Variants in KLHL3 observed in about 807,000 individuals in gnomAD.
The protein encoded by KLHL3 is kelch-like protein 3.
KLHL3 carries 19 observed loss-of-function variants against 70.5 expected under a neutral mutation model. That is an observed-to-expected ratio of 0.27 (90% CI 0.19 to 0.40). KLHL3 has a LOEUF of 0.40. KLHL3 is among the 10% of genes least tolerant of loss of function. The probability of loss-of-function intolerance (pLI) is 1.00; values close to 1 mark genes in which losing one functional copy is unlikely to be tolerated. For missense variants in KLHL3, 512 were observed against 771.1 expected (o/e 0.66, Z 3.98); for synonymous variants, 258 against 290.3 (o/e 0.89, Z 1.13).
chr5:137,624,323 A>G (rs1260031503), intron 14 of KLHL3, among the ~76,000 whole-genome samples: 3 of 152,212 alleles, frequency 2.0e-5, no homozygotes, highest in South Asian at 4.1e-4. Context: ...CAGCATATAT[A>G]TGAAATTCTA....
chr5:137,716,167 C>T (rs529797162), intron 2 of KLHL3, among the ~76,000 whole-genome samples: 1 of 151,100 alleles, frequency 6.6e-6, no homozygotes, highest in East Asian at 1.9e-4. Context: ...CAGTTAATGA[C>T]ATAGAAAAAT....
chr5:137,635,050 A>T (rs1312174224), intron 11 of KLHL3, among the ~76,000 whole-genome samples: 1 of 152,190 alleles, frequency 6.6e-6, no homozygotes, highest in African/African-American at 2.4e-5. Context: ...AAATCTATTT[A>T]ACAGGATTAC....
Position 137,628,408 on chromosome 5 carries a change from C to A in KLHL3, c.1480G>T (p.Ala494Ser). The change falls in exon 13 of 15, where the codon GCC (alanine) becomes TCC (serine). Residue 494 changes from alanine (A) to serine (S), a missense_variant. Transcript: ENST00000309755. ...GVGVLSGQLY[A>S]TGGHDGPLVR... is the part of the protein sequence containing the mutation. ...AAAGGCCCATCATGCCCACCTGTGGCGTACAGCTGTCCGCTAAGCACTCCA... is the reference window on the plus strand; with the variant it reads ...AAAGGCCCATCATGCCCACCTGTGGAGTACAGCTGTCCGCTAAGCACTCCA... 1 of 1,614,204 alleles carries A rather than the reference C, an allele frequency of 6.2e-7. No homozygotes were observed. Among genetic ancestry groups the A allele is most frequent in the Non-Finnish European group, 8.5e-7 (1 of 1,180,040 alleles).
chr5:137,692,271 C>T lies in KLHL3; in HGVS notation c.526+14G>A, dbSNP rs762458304. ...CAAACTCGGAGGAGGTGCAGCAGTC[C>T]GGCTCCCCCTTACCTGCGTAGGCAT... On this transcript the variant is annotated intron_variant, in intron 5 of 14. Transcript: ENST00000309755. 3.1e-5 allele frequency: 49 copies of T among 1,606,006 alleles called. No individual in the cohort carries two copies. In the South Asian group the frequency reaches 3.9e-4, roughly 13 times the overall value.
At chr5:137,718,510 A>G (rs972287469) in intron 2 of KLHL3, among the ~76,000 whole-genome samples, 2 of 152,184 alleles carry the variant, frequency 1.3e-5, no homozygotes, top group African/African-American at 4.8e-5. Context: ...TAAAAAAATA[A>G]ACAAACAAAG....
chr5:137,655,447 G>C (rs952009451), intron 8 of KLHL3, among the ~76,000 whole-genome samples: 8 of 151,982 alleles, frequency 5.3e-5, no homozygotes, highest in African/African-American at 1.9e-4. Flanking sequence ...AATTATAAAG[G>C]TACTTGAAGA....
chr5:137,703,097 T>C (rs1269616355), intron 3 of KLHL3, among the ~76,000 whole-genome samples: 2 of 152,184 alleles, frequency 1.3e-5, no homozygotes, highest in East Asian at 1.9e-4. Context: ...ATGGAATAGA[T>C]TGGTTGGCAG....
At chr5:137,663,988 T>A (rs1385566887) in intron 6 of KLHL3, among the ~76,000 whole-genome samples, 1 of 152,180 alleles carries the variant, frequency 6.6e-6, no homozygotes, top group Non-Finnish European at 1.5e-5. Context: ...TATACATGTG[T>A]CAAAACTAAC....
chr5:137,695,248 C>CATGG (rs1277825641), intron 4 of KLHL3, among the ~76,000 whole-genome samples: 1 of 152,226 alleles, frequency 6.6e-6, no homozygotes, highest in African/African-American at 2.4e-5. Flanking sequence ...AACTTCCCTA[C>CATGG]TGTTCACAAT....
chr5:137,720,500 C>T lies in KLHL3; in HGVS notation c.99G>A (p.Met33Ile). The change falls in exon 2 of 15, where the codon ATG becomes ATA. Residue 33 changes from methionine to isoleucine, a missense_variant. Transcript: ENST00000309755. ...CATTCATAACCTTGAATGCTTTCCC[C>T]ATGTGGGCAGGGTTGACAGTGATCG... ...QRTITVNPAH[M>I]GKAFKVMNEL... The T allele has an allele frequency of 3.1e-6, 5 of 1,614,122 alleles. No homozygotes were observed. Among genetic ancestry groups the T allele is most frequent in the Non-Finnish European group, 4.2e-6 (5 of 1,180,002 alleles).
chr5:137,699,902 A>G (rs1281010436), intron 3 of KLHL3, among the ~76,000 whole-genome samples: 2 of 152,236 alleles, frequency 1.3e-5, no homozygotes, highest in Non-Finnish European at 2.9e-5. Context: ...AGCTGCACGG[A>G]CTGCACATGA....
chr5:137,628,088 C>T, intron 13 of KLHL3: 1 of 586,134 alleles, frequency 1.7e-6, no homozygotes, highest in Admixed American at 3.0e-5. Context: ...GGATCCTCTG[C>T]ATCTAGGTTG....
At chr5:137,647,518 G>C in intron 8 of KLHL3, 1 of 471,804 alleles carries the variant, frequency 2.1e-6, no homozygotes, top group South Asian at 1.5e-5. Flanking sequence ...TCGGGCAAGA[G>C]TAGAATGCAT....
At chr5:137,697,692 T>C (rs1452086386) in intron 4 of KLHL3, among the ~76,000 whole-genome samples, 1 of 152,240 alleles carries the variant, frequency 6.6e-6, no homozygotes, top group Non-Finnish European at 1.5e-5. Flanking sequence ...CCTTGCTTTA[T>C]GTACCTCTTA....
chr5:137,710,266 C>G (rs929094892), intron 2 of KLHL3, among the ~76,000 whole-genome samples: 1 of 152,132 alleles, frequency 6.6e-6, no homozygotes, highest in Non-Finnish European at 1.5e-5. Flanking sequence ...AAGTGTGTCA[C>G]CAGCAAGACC....
At position 137,637,370 on chromosome 5, in the gene KLHL3, G is replaced by T; in HGVS notation, c.1245C>A (p.Ser415Arg). The T allele has an allele frequency of 6.2e-7, 1 of 1,613,980 alleles. No individual in the cohort carries two copies. The highest frequency in any genetic ancestry group is 8.5e-7 in the Non-Finnish European group (1 of 1,179,858). The change falls in exon 11 of 15, where the codon AGC becomes AGA. Residue 415 changes from serine to arginine, a missense_variant. Physicochemically the swap from Ser to Arg is moderately radical, Grantham distance 110. Coordinates refer to ENST00000309755, the MANE Select transcript of KLHL3 (RefSeq NM_017415.3). ...STGLASVEAY[S>R]YKTNEWFFVA... ...CAAAGAACCACTCGTTGGTCTTGTA[G>T]CTGTAGGCTTCCACCGATGCTAGGC...
intron 4 of KLHL3, among the ~76,000 whole-genome samples, chr5:137,695,242 T>A (rs1295042809): frequency 6.6e-6 from 1 of 152,176 alleles, no homozygotes; most frequent in African/African-American, 2.4e-5. Context: ...GCTTTCAACT[T>A]CCCTACTGTT....
intron 1 of KLHL3, among the ~76,000 whole-genome samples, chr5:137,735,081 T>C (rs895266454): frequency 6.6e-6 from 1 of 152,236 alleles, no homozygotes; most frequent in Non-Finnish European, 1.5e-5. Flanking sequence ...ATCATCTGAC[T>C]GGGTTTCTCT....
At chr5:137,726,743 ACAGTAGGTCCTCATGACATATTTGT>A (rs900229418) in intron 1 of KLHL3, among the ~76,000 whole-genome samples, 2 of 152,172 alleles carry the variant, frequency 1.3e-5, no homozygotes, top group Non-Finnish European at 2.9e-5. Flanking sequence ...GGTCATGCCC[ACAGTAGGTCCTCATGACATATTTGT>A]CATCTGAACT....
Sources: gnomAD v4.1 joint callset for allele counts (sites outside exome capture counted in the v4.1 genomes callset) on GRCh38, gnomAD v4.1.1 for gene constraint, MANE v1.5 for transcripts, NCBI Gene and HGNC (gene_info 2026-07-23, HGNC 2026-07-21) for gene names.